The following DYNC2H1 variants were observed in gnomAD, a reference collection of about 807,000 sequenced individuals.
DYNC2H1 encodes the protein dynein cytoplasmic 2 heavy chain 1, also known as cytoplasmic dynein 2 heavy chain 1.
Under a neutral mutation model 570.0 loss-of-function variants are expected in DYNC2H1, and 410 were observed. That is an observed-to-expected ratio of 0.72 (90% CI 0.66 to 0.78). DYNC2H1 has a LOEUF of 0.78. Ranked by LOEUF, DYNC2H1 falls within the 30% of genes least tolerant of loss-of-function variation. DYNC2H1 has a pLI of 0.00. For missense variants in DYNC2H1, 4,865 were observed against 5,046.4 expected (o/e 0.96, Z 1.09); for synonymous variants, 1,688 against 1,677.6 (o/e 1.01, Z -0.15).
At chr11:103,444,675 T>G (rs992358382) in intron 85 of DYNC2H1, among the ~76,000 whole-genome samples, 1 of 152,204 alleles carries the variant, frequency 6.6e-6, no homozygotes, top group Non-Finnish European at 1.5e-5. Context: ...GTATGTATGG[T>G]CAGGGAAAGC....
At chr11:103,330,763 C>T (rs1322089470) in intron 82 of DYNC2H1, among the ~76,000 whole-genome samples, 4 of 151,762 alleles carry the variant, frequency 2.6e-5, no homozygotes, top group African/African-American at 7.3e-5. Context: ...TGAAACTGGC[C>T]GGTCACAGTA....
At position 103,238,271 on chromosome 11, in the gene DYNC2H1, T is replaced by G. The variant is rs188118360; in HGVS notation, c.9819+1732T>G. Among the ~76,000 whole-genome samples the G allele has an allele frequency of 2.0e-5, 3 of 152,222 alleles. No homozygotes were observed. In the East Asian group the frequency reaches 5.8e-4, roughly 29 times the overall value. Reference sequence around the variant, plus strand: ...GTGATTCAGAGATATAATCTCCTCATTAACTATGCTAAAGCTGGCCTGGTG... The same window carrying G: ...GTGATTCAGAGATATAATCTCCTCAGTAACTATGCTAAAGCTGGCCTGGTG... On this transcript the variant is annotated intron_variant, in intron 63 of 88. Transcript: ENST00000375735.
intron 85 of DYNC2H1, among the ~76,000 whole-genome samples, chr11:103,453,970 A>G (rs1944701363): frequency 6.6e-6 from 1 of 152,202 alleles, no homozygotes; most frequent in African/African-American, 2.4e-5. Flanking sequence ...AGAAATAATT[A>G]TGCTTCGCTA....
chr11:103,198,239 C>T (rs1219178181), intron 48 of DYNC2H1, among the ~76,000 whole-genome samples, 176 bp downstream of exon 48: 1 of 152,122 alleles, frequency 6.6e-6, no homozygotes, highest in Non-Finnish European at 1.5e-5. Flanking sequence ...CCTGTACTTA[C>T]ATAGATATGT....
chr11:103,120,739 G>C lies in DYNC2H1; in HGVS notation c.1185G>C (p.Ala395=). ...AATATGAAAAGATTATTGCACCTGC[G>C]GAACAAAAAATAGCAGGAAAATTGA... is the stretch of plus-strand genomic sequence containing the variant. ...VSQYEKIIAP[A]EQKIAGKLKN... is the part of the protein sequence containing the mutation. Residue 395 remains alanine (A), a synonymous_variant, in exon 8 of 89, where the codon GCG becomes GCC. Transcript: ENST00000375735. The C allele has an allele frequency of 6.2e-7, 1 of 1,603,320 alleles. No individual in the cohort carries two copies. The highest frequency in any genetic ancestry group is 8.5e-7 in the Non-Finnish European group (1 of 1,174,208).
At chr11:103,335,164 C>T (rs2435916) in intron 82 of DYNC2H1, among the ~76,000 whole-genome samples, 146,776 of 152,134 alleles carry the variant, frequency 0.96, 71,031 homozygotes, top group Middle Eastern at 1. Flanking sequence ...TAAAAGCATC[C>T]ATCAGCATTT....
At chr11:103,116,359 T>A (rs781102822) in intron 4 of DYNC2H1, among the ~76,000 whole-genome samples, 2 of 152,150 alleles carry the variant, frequency 1.3e-5, no homozygotes, top group Non-Finnish European at 2.9e-5. Flanking sequence ...TTACAATTTT[T>A]ATATATTCTT....
intron 85 of DYNC2H1, among the ~76,000 whole-genome samples, chr11:103,441,047 G>A (rs142963034): frequency 1.7e-4 from 26 of 152,222 alleles, no homozygotes; most frequent in African/African-American, 6.3e-4. Context: ...CCCATGACTA[G>A]TCATCTTGAG....
Position 103,123,066 on chromosome 11 carries a change from GAATT to G in DYNC2H1, c.1661+72_1661+75del, listed in dbSNP as rs1164154296. 1.2e-5 allele frequency: 15 copies of G among 1,202,004 alleles called. No individual in the cohort carries two copies. The East Asian group carries it at 1.3e-4, about 10-fold the overall frequency. 74.5% of individuals were successfully genotyped at this position (1,202,004 alleles called of 1,614,324 possible). On this transcript the variant is annotated intron_variant, in intron 11 of 88. Coordinates refer to ENST00000375735, the MANE Select transcript of DYNC2H1 (RefSeq NM_001377.3). The stretch of plus-strand genomic sequence containing the variant: ...TGTTATTAATCCAAATACCCAGAGG[GAATT>G]AATTATCTTTTTCCTTTCTCCAAAC...
At chr11:103,365,053 T>C (rs1940836852) in intron 83 of DYNC2H1, among the ~76,000 whole-genome samples, 1 of 152,136 alleles carries the variant, frequency 6.6e-6, no homozygotes, top group Non-Finnish European at 1.5e-5. Flanking sequence ...ATATTTTACA[T>C]TGGTAAGTTA....
chr11:103,109,825 C>T, intron 1 of DYNC2H1, 56 bp downstream of exon 1: 1 of 1,535,814 alleles, frequency 6.5e-7, no homozygotes, highest in Non-Finnish European at 8.8e-7. Context: ...TCCCCAGGCC[C>T]AGCCAGAGGG....
intron 70 of DYNC2H1, among the ~76,000 whole-genome samples, chr11:103,276,578 AAAAC>A (rs1194523612): frequency 6.6e-6 from 1 of 152,114 alleles, no homozygotes; most frequent in Non-Finnish European, 1.5e-5. Context: ...AAGAATAAAG[AAAAC>A]AAAAAGGACC....
chr11:103,343,634 C>G (rs1291917363), intron 82 of DYNC2H1, among the ~76,000 whole-genome samples: 1 of 152,114 alleles, frequency 6.6e-6, no homozygotes, highest in East Asian at 1.9e-4. Context: ...GAAGTGAGGA[C>G]AAAAGGCGTC....
intron 59 of DYNC2H1, among the ~76,000 whole-genome samples, chr11:103,223,785 G>T (rs1403054398): frequency 5.5e-5 from 8 of 145,288 alleles, no homozygotes; most frequent in Admixed American, 4.8e-4. Flanking sequence ...GTCTTGCTCT[G>T]TCGCCAGGCT....
intron 83 of DYNC2H1, among the ~76,000 whole-genome samples, chr11:103,368,505 G>T (rs1565533232): frequency 6.6e-6 from 1 of 151,826 alleles, no homozygotes; most frequent in Admixed American, 6.6e-5. Context: ...CTAATTAGAT[G>T]TATTGTTTGC....
intron 50 of DYNC2H1, among the ~76,000 whole-genome samples, chr11:103,202,055 G>T (rs1039563529): frequency 6.6e-6 from 1 of 152,092 alleles, no homozygotes; most frequent in African/African-American, 2.4e-5. Flanking sequence ...TAAATAATAA[G>T]TAATATTTAA....
intron 17 of DYNC2H1, among the ~76,000 whole-genome samples, chr11:103,139,261 G>T (rs1391371018): frequency 1.3e-5 from 2 of 151,472 alleles, no homozygotes; most frequent in East Asian, 3.9e-4. Context: ...GCTAGCTTTT[G>T]AATGTGTTTG....
rs373238217 is a variant in DYNC2H1, at chr11:103,134,305, C to T, written c.2107-16C>T. On this transcript the variant is annotated splice_polypyrimidine_tract_variant and intron_variant, in intron 14 of 88. Coordinates refer to ENST00000375735, the MANE Select transcript of DYNC2H1 (RefSeq NM_001377.3). ...CCAGCAATACTTTGAGACTAGCATG[C>T]TCTAATTTTTCATAGGTGGTTGTTC... The T allele has an allele frequency of 2.7e-5, 43 of 1,609,964 alleles. No homozygotes were observed. The highest frequency in any genetic ancestry group is 3.6e-5 in the Non-Finnish European group (42 of 1,176,916).
At chr11:103,121,942 T>C (rs750308854) in intron 10 of DYNC2H1, among the ~76,000 whole-genome samples, 9 of 151,592 alleles carry the variant, frequency 5.9e-5, no homozygotes, top group Non-Finnish European at 1.2e-4. Flanking sequence ...CAGAAAGAGA[T>C]GCTATCTCAA....
Sources: gnomAD v4.1 joint callset for allele counts (sites outside exome capture counted in the v4.1 genomes callset) on GRCh38, gnomAD v4.1.1 for gene constraint, MANE v1.5 for transcripts, NCBI Gene and HGNC (gene_info 2026-07-23, HGNC 2026-07-21) for gene names.